Variants in PCDH11X observed in about 807,000 individuals in gnomAD.
PCDH11X encodes the protein protocadherin 11 X-linked, also known as protocadherin-11 X-linked.
Under a neutral mutation model 53.3 loss-of-function variants are expected in PCDH11X, and 18 were observed. That is an observed-to-expected ratio of 0.34 (90% CI 0.23 to 0.50). PCDH11X has a LOEUF of 0.50. Among genes scored for constraint, PCDH11X ranks in the 20% least tolerant of loss-of-function variants. The pLI is 0.98. For synonymous variants in PCDH11X, 279 were observed against 393.3 expected (o/e 0.71, Z 3.44); for missense variants, 570 against 1,032.4 (o/e 0.55, Z 6.14).
intron 7 of PCDH11X, among the ~76,000 whole-genome samples, chrX:92,218,949 A>C (rs62599153): frequency 0.032 from 3,609 of 111,451 alleles, 78 homozygotes; most frequent in East Asian, 0.17. Context: ...CAAAAACCAC[A>C]TGATTATCTC....
chrX:91,934,167 G>T (rs1429441908), intron 6 of PCDH11X, among the ~76,000 whole-genome samples: 1 of 110,096 alleles, frequency 9.1e-6, no homozygotes, highest in Non-Finnish European at 1.9e-5. Flanking sequence ...CTTTGTCTTT[G>T]TCTTTCTTTT....
chrX:92,519,320 CA>C (rs1244876931), intron 10 of PCDH11X, among the ~76,000 whole-genome samples: 2 of 106,731 alleles, frequency 1.9e-5, no homozygotes, highest in Non-Finnish European at 3.9e-5. Flanking sequence ...ATTATACTAG[CA>C]AATAGACTTC....
intron 6 of PCDH11X, among the ~76,000 whole-genome samples, chrX:92,061,103 T>C (rs1308486561): frequency 3.6e-5 from 4 of 112,343 alleles, no homozygotes; most frequent in Admixed American, 1.9e-4. Context: ...TTTTTTCATA[T>C]GCTTGTTGGC....
intron 8 of PCDH11X, among the ~76,000 whole-genome samples, chrX:92,323,736 C>A (rs1227696127): frequency 9.0e-6 from 1 of 110,639 alleles, no homozygotes; most frequent in Non-Finnish European, 1.9e-5. Flanking sequence ...TTATTAATCA[C>A]TCCCCAAGAC....
At position 91,878,883 on chromosome X, in the gene PCDH11X, G is replaced by A. The variant is rs1367764227; in HGVS notation, c.2643G>A (p.Leu881=). 3.3e-6 allele frequency: 4 copies of A among 1,211,720 alleles called. No homozygotes were observed. In the South Asian group the frequency reaches 5.3e-5, roughly 16 times the overall value. The change falls in exon 6 of 11, where the codon TTG becomes TTA. Residue 881 remains leucine, a synonymous_variant. Coordinates refer to ENST00000682573, the MANE Select transcript of PCDH11X (RefSeq NM_032968.5). ...AGAAGAAGCATTCCCCTAAGAACTT[G>A]CTGCTTAATTTTGTCACTATTGAAG... is the stretch of plus-strand genomic sequence containing the variant. The part of the protein sequence containing the change: ...KKKKKHSPKN[L]LLNFVTIEET...
intron 8 of PCDH11X, among the ~76,000 whole-genome samples, chrX:92,375,850 C>G (rs2070741852): frequency 1.8e-5 from 2 of 111,553 alleles, no homozygotes; most frequent in African/African-American, 3.3e-5. Flanking sequence ...TCTTGAACTC[C>G]TGACCTTGTG....
intron 7 of PCDH11X, among the ~76,000 whole-genome samples, chrX:92,221,373 G>T (rs1262450006): frequency 9.4e-6 from 1 of 106,367 alleles, no homozygotes. Flanking sequence ...GTTCTGGTCC[G>T]AGGCAAAGTT....
intron 9 of PCDH11X, among the ~76,000 whole-genome samples, chrX:92,413,646 A>T (rs1478957580): frequency 1.8e-5 from 2 of 108,750 alleles, no homozygotes; most frequent in African/African-American, 6.8e-5. Flanking sequence ...TATTTCCATA[A>T]GGGATTGCAG....
intron 6 of PCDH11X, among the ~76,000 whole-genome samples, chrX:91,980,985 TATATATATATACACTGA>T (rs1162459127): frequency 9.8e-6 from 1 of 101,915 alleles, no homozygotes; most frequent in Non-Finnish European, 2.0e-5. Flanking sequence ...ACTGAATATA[TATATATATATACACTGA>T]ATATATATAT....
intron 6 of PCDH11X, among the ~76,000 whole-genome samples, chrX:91,995,584 C>A (rs1263277956): frequency 9.0e-6 from 1 of 111,476 alleles, no homozygotes; most frequent in East Asian, 2.8e-4. Context: ...ATTACTATAG[C>A]TTTGTACTGT....
chrX:92,545,802 G>A (rs769195857), intron 10 of PCDH11X, among the ~76,000 whole-genome samples: 15 of 109,773 alleles, frequency 1.4e-4, no homozygotes, highest in African/African-American at 3.9e-4. Context: ...CAGTCTGATC[G>A]AAAAATTAGT....
At chrX:92,590,799 T>G (rs775843725) in intron 10 of PCDH11X, among the ~76,000 whole-genome samples, 30 of 110,335 alleles carry the variant, frequency 2.7e-4, no homozygotes, top group Non-Finnish European at 5.3e-4. Context: ...CTGAAGAAAT[T>G]GCTGATGAAA....
At position 92,419,669 on chromosome X, in the gene PCDH11X, C is replaced by CTTTT. The variant is rs757189751; in HGVS notation, c.3343+31762_3343+31765dup. Among the ~76,000 whole-genome samples, 6 of 54,190 alleles carry CTTTT rather than the reference C, an allele frequency of 1.1e-4. 2 individuals carry two copies. The highest frequency in any genetic ancestry group is 3.9e-4 in the African/African-American group (5 of 12,973). 47.1% of individuals were successfully genotyped at this position (54,190 alleles called of 115,157 possible). A position where few individuals can be genotyped will look rare whatever the true frequency, so the allele number is the denominator to read the frequency against. On this transcript the variant is annotated intron_variant, in intron 9 of 10. Transcript: ENST00000682573. ...TGTTTCTCTCTCCCCTCCCTCCACC[C>CTTTT]TTTTTTTTTTTTTTTTTTTTTTTTT...
At chrX:91,859,682 C>A (rs1348354402) in intron 5 of PCDH11X, among the ~76,000 whole-genome samples, 57 of 107,950 alleles carry the variant, frequency 5.3e-4, no homozygotes, top group African/African-American at 1.9e-3. Flanking sequence ...ATATGGCTAG[C>A]CAGTTCTCCC....
chrX:91,921,292 T>C (rs1223661985), intron 6 of PCDH11X, among the ~76,000 whole-genome samples: 1 of 111,035 alleles, frequency 9.0e-6, no homozygotes, highest in African/African-American at 3.3e-5. Flanking sequence ...ACATTTGTTA[T>C]AGTTGATGAA....
At chrX:92,196,065 A>G (rs2148315105) in intron 6 of PCDH11X, among the ~76,000 whole-genome samples, 1 of 112,072 alleles carries the variant, frequency 8.9e-6, no homozygotes, top group African/African-American at 3.2e-5. Flanking sequence ...GAAAGCTTAT[A>G]GTTCTTATAT....
At chrX:92,385,736 C>T (rs140083962) in intron 8 of PCDH11X, among the ~76,000 whole-genome samples, 2,284 of 110,661 alleles carry the variant, frequency 0.021, 52 homozygotes, top group East Asian at 0.096. Context: ...TTGGGAGGGT[C>T]GCTTGAGCCT....
At chrX:92,018,923 T>C (rs2062840354) in intron 6 of PCDH11X, among the ~76,000 whole-genome samples, 1 of 112,430 alleles carries the variant, frequency 8.9e-6, no homozygotes, top group African/African-American at 3.2e-5. Context: ...ACACATACAA[T>C]CTTTCCAGGA....
At chrX:92,098,489 G>T in intron 6 of PCDH11X, among the ~76,000 whole-genome samples, 2 of 111,241 alleles carry the variant, frequency 1.8e-5, no homozygotes, top group Middle Eastern at 4.7e-3. Flanking sequence ...GATGATGTTT[G>T]AATTTGCTCA....
Sources: allele counts gnomAD v4.1 joint callset (sites outside exome capture counted in the v4.1 genomes callset), GRCh38; gene constraint gnomAD v4.1.1; transcripts MANE v1.5; gene names NCBI Gene and HGNC (gene_info 2026-07-23, HGNC 2026-07-21).